NSF: variants seen among roughly 807,000 people sequenced by gnomAD.
NSF encodes vesicle-fusing ATPase.
A neutral mutation model predicts 50.3 loss-of-function variants in NSF; 14 were observed. The ratio of observed to expected loss-of-function variants is 0.28; its 90% CI spans 0.18 to 0.44. The LOEUF (loss-of-function observed/expected upper bound fraction) is 0.44, where lower values mean the gene tolerates loss of function less well. Among genes scored for constraint, NSF ranks in the 20% least tolerant of loss-of-function variants. The pLI, the probability that NSF is intolerant of heterozygous loss-of-function variation, is 1.00. For missense variants in NSF, 218 were observed against 504.3 expected, an observed-to-expected ratio of 0.43 and a Z score of 5.44; for synonymous variants, 109 against 175.7, an observed-to-expected ratio of 0.62 and a Z score of 3.00.
intron 1 of NSF, among the ~76,000 whole-genome samples, chr17:46,605,378 G>T (rs1318132550): frequency 7.6e-6 from 1 of 131,094 alleles, no homozygotes; most frequent in Non-Finnish European, 1.7e-5. Flanking sequence ...AACCTGGGAG[G>T]TGGAGGTTGC....
intron 6 of NSF, among the ~76,000 whole-genome samples, chr17:46,640,427 AAAT>A: frequency 8.5e-6 from 1 of 118,228 alleles, no homozygotes; most frequent in South Asian, 2.5e-4. Context: ...TATTGTAAAT[AAAT>A]AATAAGAAAC....
chr17:46,720,112 T>G (rs757346330), intron 15 of NSF, among the ~76,000 whole-genome samples: 1 of 152,182 alleles, frequency 6.6e-6, no homozygotes, highest in Non-Finnish European at 1.5e-5. Context: ...AGCTGGAAAT[T>G]GGATCTTTTG....
chr17:46,738,794 T>G (rs2059035928), intron 17 of NSF, among the ~76,000 whole-genome samples: 1 of 152,250 alleles, frequency 6.6e-6, no homozygotes, highest in African/African-American at 2.4e-5. Context: ...TCATGAGCTG[T>G]TCATACAGTA....
chr17:46,731,439 G>T (rs1777201507), intron 17 of NSF, among the ~76,000 whole-genome samples: 1 of 152,126 alleles, frequency 6.6e-6, no homozygotes. Flanking sequence ...GTATATCTGT[G>T]AATATACTAA....
At chr17:46,755,400 A>C in intron 20 of NSF, 31 bp downstream of exon 20, 1 of 1,525,834 alleles carries the variant, frequency 6.6e-7, no homozygotes, top group Non-Finnish European at 9.1e-7. Flanking sequence ...ATGACCATCA[A>C]CCAAACTTAC....
Position 46,667,553 on chromosome 17 carries a change from T to C in NSF, c.746-6861T>C, listed in dbSNP as rs199477. On this transcript the variant is annotated intron_variant, in intron 8 of 20. Transcript: ENST00000398238. ...TGCTCTCCAGTTTAAAGAAAACAAA[T>C]GTTCTTTTGCTAGTTGTGAAATCTA... Among the ~76,000 whole-genome samples the C allele has an allele frequency of 7.4e-3, 1,038 of 140,848 alleles. 29 individuals are homozygous for C. The highest frequency in any genetic ancestry group is 0.017 in the African/African-American group (648 of 39,126). 92.4% of individuals were successfully genotyped at this position (140,848 alleles called of 152,430 possible).
chr17:46,749,992 T>C, intron 18 of NSF, 85 bp downstream of exon 18: 1 of 1,424,904 alleles, frequency 7.0e-7, no homozygotes, highest in Admixed American at 1.9e-5. Context: ...ACCTGGTGTT[T>C]GGTTTTTATG....
intron 9 of NSF, among the ~76,000 whole-genome samples, chr17:46,685,395 C>A (rs571087013): frequency 1.1e-4 from 16 of 151,694 alleles, no homozygotes; most frequent in African/African-American, 3.9e-4. Flanking sequence ...CTAATGACCT[C>A]ATGCAGGATA....
intron 17 of NSF, 46 bp from the exon 18 acceptor site, chr17:46,749,723 CTAAT>C: frequency 6.7e-7 from 1 of 1,503,456 alleles, no homozygotes; most frequent in South Asian, 1.4e-5. Context: ...CTGTAGTTTC[CTAAT>C]TAGTCTTATT....
Position 46,755,367 on chromosome 17 carries a change from A to G in NSF, c.2211A>G (p.Gly737=). 3.1e-6 allele frequency: 5 copies of G among 1,612,490 alleles called. No individual in the cohort carries two copies. The highest frequency in any genetic ancestry group is 3.4e-6 in the Non-Finnish European group (4 of 1,178,428). Residue 737 remains glycine (G), a splice_region_variant and synonymous_variant, in exon 20 of 21, where the codon GGA becomes GGG. Transcript: ENST00000398238. ...TCTTGGCCCTCTTAAGAGAAGAAGG[A>G]GCGTAAGTACATACAACATTTAATG... ...RKFLALLREE[G]ASPLDFD
At chr17:46,684,420 A>G (rs1279538964) in intron 9 of NSF, among the ~76,000 whole-genome samples, 3 of 151,840 alleles carry the variant, frequency 2.0e-5, no homozygotes, top group Non-Finnish European at 2.9e-5. Flanking sequence ...CAGTGCCTCA[A>G]TAAACATGTG....
At chr17:46,736,182 C>T (rs1337874605) in intron 17 of NSF, among the ~76,000 whole-genome samples, 2 of 152,162 alleles carry the variant, frequency 1.3e-5, no homozygotes, top group African/African-American at 4.8e-5. Flanking sequence ...AAGACAAATA[C>T]TCTTGTCTGG....
intron 13 of NSF, among the ~76,000 whole-genome samples, chr17:46,709,286 A>G (rs955041564): frequency 2.0e-5 from 3 of 152,130 alleles, no homozygotes; most frequent in African/African-American, 2.4e-5. Flanking sequence ...TAATTTGGCC[A>G]TGAGGAAGTG....
At chr17:46,695,004 T>C (rs1324512073) in intron 12 of NSF, among the ~76,000 whole-genome samples, 1 of 112,560 alleles carries the variant, frequency 8.9e-6, no homozygotes, top group Non-Finnish European at 1.8e-5. Flanking sequence ...CCCAGCACTT[T>C]GGGAGGCTGA....
In NSF at chr17:46,728,952, A is replaced by C. The variant is rs1183263941; in HGVS notation, c.1908+18A>C. 1 of 1,420,648 alleles carries C rather than the reference A, an allele frequency of 7.0e-7. No individual in the cohort carries two copies. Among genetic ancestry groups the C allele is most frequent in the South Asian group, 1.2e-5 (1 of 82,022 alleles). 88.0% of individuals were successfully genotyped at this position (1,420,648 alleles called of 1,614,324 possible). On this transcript the variant is annotated intron_variant, in intron 17 of 20. Transcript: ENST00000398238. ...CTCCTCAGGTAAAATAATACTACTAATAAGGAATATTTTAACAAAGAGTTT... is the reference window on the plus strand; with the variant it reads ...CTCCTCAGGTAAAATAATACTACTACTAAGGAATATTTTAACAAAGAGTTT...
At chr17:46,708,154 G>C (rs1465850372) in intron 13 of NSF, among the ~76,000 whole-genome samples, 1 of 152,154 alleles carries the variant, frequency 6.6e-6, no homozygotes, top group Admixed American at 6.5e-5. Flanking sequence ...TCATTAGCAT[G>C]GCTGTACAGA....
intron 19 of NSF, among the ~76,000 whole-genome samples, 155 bp from the exon 20 acceptor site, chr17:46,755,159 T>C (rs2059220197): frequency 6.6e-6 from 1 of 152,236 alleles, no homozygotes; most frequent in Admixed American, 6.5e-5. Context: ...CTGCTTTGTT[T>C]TGTGTGAGAA....
chr17:46,731,600 G>A (rs1045518380), intron 17 of NSF, among the ~76,000 whole-genome samples: 3 of 152,124 alleles, frequency 2.0e-5, no homozygotes, highest in African/African-American at 7.2e-5. Flanking sequence ...CAAGGTACGT[G>A]GCCCAGCTTG....
intron 15 of NSF, among the ~76,000 whole-genome samples, chr17:46,725,318 G>A (rs1179421959): frequency 2.0e-5 from 3 of 152,172 alleles, no homozygotes; most frequent in African/African-American, 7.2e-5. Context: ...GTCCAGTGGG[G>A]AGACAGATAG....
Sources: gnomAD v4.1 joint callset for allele counts (sites outside exome capture counted in the v4.1 genomes callset) on GRCh38, gnomAD v4.1.1 for gene constraint, MANE v1.5 for transcripts, NCBI Gene and HGNC (gene_info 2026-07-23, HGNC 2026-07-21) for gene names.